CDKN2B-AS1: variants seen among roughly 807,000 people sequenced by gnomAD.
CDKN2B-AS1 encodes CDKN2B antisense RNA 1 (non-protein coding).
At chr9:22,054,285 C>T (rs1268522426) in intron 3 of CDKN2B-AS1, among the ~76,000 whole-genome samples, 2 of 152,164 alleles carry the variant, frequency 1.3e-5, no homozygotes, top group African/African-American at 4.8e-5. Flanking sequence ...CAGTTTGACG[C>T]CAGAGTGCAT....
At chr9:22,061,978 G>T (rs1277354621) in intron 4 of CDKN2B-AS1, 1 of 152,102 alleles carries the variant, frequency 6.6e-6, no homozygotes, top group Non-Finnish European at 1.5e-5. Context: ...AATTTAAACA[G>T]AAGCCTACGA....
chr9:22,125,184 G>T (rs1186944004), intron 4 of CDKN2B-AS1, among the ~76,000 whole-genome samples: 1 of 152,020 alleles, frequency 6.6e-6, no homozygotes, highest in Non-Finnish European at 1.5e-5. Context: ...TTGGCTATCA[G>T]GAAAATCAAA....
At chr9:22,078,409 CA>C (rs1196465898) in intron 4 of CDKN2B-AS1, among the ~76,000 whole-genome samples, 1 of 151,788 alleles carries the variant, frequency 6.6e-6, no homozygotes, top group African/African-American at 2.4e-5. Flanking sequence ...TGTTTTTGAC[CA>C]AAAAAATAAA....
At chr9:22,100,286 G>A (rs1029462786) in intron 4 of CDKN2B-AS1, among the ~76,000 whole-genome samples, 2 of 152,146 alleles carry the variant, frequency 1.3e-5, no homozygotes, top group South Asian at 4.1e-4. Context: ...ATCCTAATGA[G>A]ATCCTTCATG....
At chr9:22,109,395 C>G (rs1427277363) in intron 4 of CDKN2B-AS1, among the ~76,000 whole-genome samples, 2 of 152,150 alleles carry the variant, frequency 1.3e-5, no homozygotes, top group African/African-American at 2.4e-5. Flanking sequence ...ATCGCTGTCT[C>G]CCCTGACTGG....
chr9:22,032,571 A>G (rs897012853), intron 1 of CDKN2B-AS1: 4 of 152,012 alleles, frequency 2.6e-5, no homozygotes, highest in African/African-American at 9.7e-5. Flanking sequence ...ATTGTTGTCC[A>G]TGCCATTTTG....
intron 3 of CDKN2B-AS1, among the ~76,000 whole-genome samples, chr9:22,050,750 C>G (rs555575104): frequency 1.3e-5 from 2 of 152,248 alleles, no homozygotes; most frequent in South Asian, 4.1e-4. Flanking sequence ...CTGGCACTGT[C>G]TAGGGAAGCT....
Position 22,005,467 on chromosome 9 carries a change from C to T in CDKN2B-AS1, n.29+10306C>T. The T allele has an allele frequency of 3.9e-6, 1 of 253,908 alleles. No homozygotes were observed. The highest frequency in any genetic ancestry group is 5.7e-5 in the East Asian group (1 of 17,694). 15.7% of individuals were successfully genotyped at this position (253,908 alleles called of 1,614,324 possible). On this transcript the variant is annotated intron_variant and non_coding_transcript_variant, in intron 1 of 4. Transcript: ENST00000650946. This position sits in a 1 kb window ranked among gnomAD's most constrained non-coding sequence, Gnocchi z 4.9. ...GGGACTTACTGAAGCCCACCTCGGC[C>T]CTCCTCCACTTTGTCCTCAGTCTTC...
chr9:22,001,880 TTCTA>T lies in CDKN2B-AS1; in HGVS notation n.29+6723_29+6726del, dbSNP rs1460547310. 6.6e-6 allele frequency among the ~76,000 whole-genome samples: 1 copy of T among 152,124 alleles called. No individual in the cohort carries two copies. The highest frequency in any genetic ancestry group is 6.5e-5 in the Admixed American group (1 of 15,272). ...AGGAACCAATGTGGGAATCTAGGTC[TTCTA>T]TCTTCCAGTCAAGTCCTTGTTTCAC... On this transcript the variant is annotated intron_variant and non_coding_transcript_variant, in intron 1 of 4. Transcript: ENST00000650946. This position sits in a 1 kb window ranked among gnomAD's most constrained non-coding sequence, Gnocchi z 4.2.
chr9:22,121,072 A>C (rs979803106), intron 4 of CDKN2B-AS1: 3 of 152,162 alleles, frequency 2.0e-5, no homozygotes, highest in African/African-American at 7.2e-5. Flanking sequence ...AATTTACAAA[A>C]TAAAACTGGG....
At chr9:22,125,640 T>A (rs1370429056) in intron 4 of CDKN2B-AS1, among the ~76,000 whole-genome samples, 1 of 152,218 alleles carries the variant, frequency 6.6e-6, no homozygotes, top group Non-Finnish European at 1.5e-5. Flanking sequence ...AAGTTGAGAA[T>A]GTCAAAAATC....
At chr9:22,082,792 G>A (rs922819728) in intron 4 of CDKN2B-AS1, among the ~76,000 whole-genome samples, 3 of 152,190 alleles carry the variant, frequency 2.0e-5, no homozygotes, top group Non-Finnish European at 4.4e-5. Context: ...AGTTAGGTAA[G>A]TCAGACATGG....
At chr9:22,060,890 T>C (rs554916902) in intron 4 of CDKN2B-AS1, among the ~76,000 whole-genome samples, 4 of 152,160 alleles carry the variant, frequency 2.6e-5, no homozygotes, top group African/African-American at 9.6e-5. Context: ...ATCAGGAGAA[T>C]AGCACGAGAA....
chr9:22,083,967 A>G (rs527917549), intron 4 of CDKN2B-AS1, among the ~76,000 whole-genome samples: 13 of 152,338 alleles, frequency 8.5e-5, no homozygotes, highest in Admixed American at 4.6e-4. Context: ...ATCACTTTAC[A>G]TCTTTGTGAT....
At chr9:22,015,335 A>T (rs1002721688) in intron 1 of CDKN2B-AS1, among the ~76,000 whole-genome samples, 1 of 152,060 alleles carries the variant, frequency 6.6e-6, no homozygotes, top group Non-Finnish European at 1.5e-5. Flanking sequence ...CCTATGAAAA[A>T]GTCCATTCTT....
chr9:22,026,867 T>C (rs1289680149), intron 1 of CDKN2B-AS1, among the ~76,000 whole-genome samples: 1 of 152,184 alleles, frequency 6.6e-6, no homozygotes, highest in African/African-American at 2.4e-5. Context: ...GGGGATCTCC[T>C]GATCTGAGGT....
intron 4 of CDKN2B-AS1, among the ~76,000 whole-genome samples, chr9:22,072,990 A>AT (rs1467395320): frequency 1.1e-4 from 16 of 152,198 alleles, no homozygotes; most frequent in African/African-American, 3.9e-4. Context: ...AGTTCATGCT[A>AT]TTATGGCACA....
chr9:22,022,032 A>G (rs1464671495), intron 1 of CDKN2B-AS1, among the ~76,000 whole-genome samples: 3 of 152,132 alleles, frequency 2.0e-5, no homozygotes, highest in African/African-American at 2.4e-5. Flanking sequence ...GTTTGTTATG[A>G]TTTCAGTTCT....
intron 4 of CDKN2B-AS1, among the ~76,000 whole-genome samples, chr9:22,072,318 T>G (rs908594599): frequency 7.2e-5 from 11 of 152,226 alleles, no homozygotes; most frequent in African/African-American, 2.7e-4. Flanking sequence ...AAGTTTCTAG[T>G]TTATATAAAG....
Sources: allele counts gnomAD v4.1 joint callset (sites outside exome capture counted in the v4.1 genomes callset), GRCh38; gene constraint gnomAD v4.1.1; non-coding constraint Gnocchi (gnomAD v3.1); transcripts MANE v1.5; gene names NCBI Gene and HGNC (gene_info 2026-07-23, HGNC 2026-07-21).